ITGA9: variants seen among roughly 807,000 people sequenced by gnomAD.
ITGA9 encodes integrin subunit alpha 9.
ITGA9 carries 56 observed loss-of-function variants against 127.8 expected under a neutral mutation model. That is an observed-to-expected ratio of 0.44 (90% CI 0.35 to 0.55). The LOEUF (loss-of-function observed/expected upper bound fraction) is 0.55. Ranked by LOEUF, ITGA9 falls within the 20% of genes least tolerant of loss-of-function variation. The pLI is 0.00. For synonymous variants in ITGA9, 508 were observed against 514.5 expected (o/e 0.99, Z 0.17); for missense variants, 1,196 against 1,347.1 (o/e 0.89, Z 1.76).
chr3:37,470,538 GTCTTT>G (rs1242063985), intron 1 of ITGA9, among the ~76,000 whole-genome samples: 1 of 152,156 alleles, frequency 6.6e-6, no homozygotes, highest in Non-Finnish European at 1.5e-5. Flanking sequence ...CTGTTGACTT[GTCTTT>G]TCTTATTAAT....
chr3:37,736,699 G>A (rs1696366775), intron 19 of ITGA9, among the ~76,000 whole-genome samples: 1 of 152,168 alleles, frequency 6.6e-6, no homozygotes, highest in Non-Finnish European at 1.5e-5. Context: ...CGGAACAGGA[G>A]CAGCAGGTCT....
In ITGA9 at chr3:37,756,982, C is replaced by A. The variant is rs917297839; in HGVS notation, c.2541+6413C>A. Among the ~76,000 whole-genome samples the A allele has an allele frequency of 2.7e-5, 4 of 149,178 alleles. No individual in the cohort carries two copies. The East Asian group carries it at 7.7e-4, about 29-fold the overall frequency. ...CAAATTAGAAGTGAAAGACAGTGAG[C>A]GGTTGTTCATATCAAAACCAATGGG... On this transcript the variant is annotated intron_variant, in intron 23 of 27. Transcript: ENST00000264741.
chr3:37,727,750 A>G (rs1696233025), intron 18 of ITGA9, among the ~76,000 whole-genome samples: 1 of 152,228 alleles, frequency 6.6e-6, no homozygotes, highest in Non-Finnish European at 1.5e-5. Flanking sequence ...CAAAAGGATC[A>G]TTTTAACAAT....
At chr3:37,563,992 A>G (rs1235583496) in intron 15 of ITGA9, among the ~76,000 whole-genome samples, 1 of 152,236 alleles carries the variant, frequency 6.6e-6, no homozygotes, top group Non-Finnish European at 1.5e-5. Flanking sequence ...AACGACTTTT[A>G]TGTCAAAAAA....
intron 23 of ITGA9, among the ~76,000 whole-genome samples, chr3:37,770,833 G>A (rs1575229953): frequency 6.6e-6 from 1 of 152,170 alleles, no homozygotes; most frequent in Admixed American, 6.5e-5. Context: ...CCAAGTGATG[G>A]CCACTCCTTG....
intron 11 of ITGA9, among the ~76,000 whole-genome samples, chr3:37,522,512 G>A (rs1699054237): frequency 6.6e-6 from 1 of 152,116 alleles, no homozygotes; most frequent in Admixed American, 6.5e-5. Context: ...CATCGTTTGA[G>A]GCTTGGAGTT....
intron 18 of ITGA9, among the ~76,000 whole-genome samples, chr3:37,731,509 C>T (rs1021492016): frequency 5.9e-5 from 9 of 152,148 alleles, no homozygotes; most frequent in Non-Finnish European, 1.3e-4. Context: ...ATTTATATAT[C>T]TCTTATCTTT....
chr3:37,697,035 A>G (rs1241487618), intron 18 of ITGA9, among the ~76,000 whole-genome samples: 1 of 152,180 alleles, frequency 6.6e-6, no homozygotes, highest in African/African-American at 2.4e-5. Context: ...ATGGTCAGGG[A>G]GGTCCCTTCT....
At chr3:37,584,192 A>G (rs1455160520) in intron 15 of ITGA9, among the ~76,000 whole-genome samples, 1 of 152,182 alleles carries the variant, frequency 6.6e-6, no homozygotes, top group Non-Finnish European at 1.5e-5. Context: ...GCTGTTCTCC[A>G]TGTCTCTTAT....
chr3:37,464,387 T>G (rs990812143), intron 1 of ITGA9, among the ~76,000 whole-genome samples: 1 of 151,938 alleles, frequency 6.6e-6, no homozygotes, highest in South Asian at 2.1e-4. Flanking sequence ...CTGGGATGAG[T>G]TGAGTGTCAA....
At position 37,732,816 on chromosome 3, in the gene ITGA9, G is replaced by T. The variant is rs370985133; in HGVS notation, c.2154+18G>T. 2.5e-6 allele frequency: 4 copies of T among 1,582,526 alleles called. No homozygotes were observed. The South Asian group carries it at 4.6e-5, about 18-fold the overall frequency. On this transcript the variant is annotated intron_variant, in intron 19 of 27. Transcript: ENST00000264741. Reference sequence around the variant, plus strand: ...AGTCAAAGGTAAGGGACACAGACGGGACCCTTCCTCAGCAGCAGGCCCCCA... The same window carrying T: ...AGTCAAAGGTAAGGGACACAGACGGTACCCTTCCTCAGCAGCAGGCCCCCA...
At chr3:37,689,997 A>G (rs535524312) in intron 18 of ITGA9, among the ~76,000 whole-genome samples, 2 of 152,348 alleles carry the variant, frequency 1.3e-5, no homozygotes, top group African/African-American at 4.8e-5. Flanking sequence ...CAGCTGCTCT[A>G]CAGAGGTGCT....
At chr3:37,651,972 C>T (rs1477371970) in intron 16 of ITGA9, among the ~76,000 whole-genome samples, 1 of 152,168 alleles carries the variant, frequency 6.6e-6, no homozygotes, top group African/African-American at 2.4e-5. Context: ...TCTCCACCTC[C>T]ACCTCTACCC....
At chr3:37,481,416 GA>G in intron 3 of ITGA9, 67 bp from the exon 4 acceptor site, 1 of 1,600,928 alleles carries the variant, frequency 6.2e-7, no homozygotes, top group South Asian at 1.1e-5. Context: ...ATCTGGCACT[GA>G]CAGGAGTCTG....
intron 1 of ITGA9, among the ~76,000 whole-genome samples, chr3:37,464,338 A>G (rs1198839438): frequency 2.0e-5 from 3 of 149,462 alleles, no homozygotes; most frequent in Non-Finnish European, 4.4e-5. Context: ...TTGCAATTCT[A>G]AGGATCTATG....
rs1701182674 is a variant in ITGA9 at position 37,720,836 on chromosome 3, A to G, written c.2068-11876A>G. Among the ~76,000 whole-genome samples the G allele has an allele frequency of 2.0e-5, 3 of 152,244 alleles. No individual in the cohort carries two copies. In the South Asian group the frequency reaches 6.2e-4, roughly 32 times the overall value. ...AAAAATGTAAAGATTAGTCCTAAGCAGGGTTGATTCACCGCACTACAGAGG... is the reference window on the plus strand; with the variant it reads ...AAAAATGTAAAGATTAGTCCTAAGCGGGGTTGATTCACCGCACTACAGAGG... On this transcript the variant is annotated intron_variant, in intron 18 of 27. Coordinates refer to ENST00000264741, the MANE Select transcript of ITGA9 (RefSeq NM_002207.3).
chr3:37,753,512 C>T (rs1220430507), intron 23 of ITGA9, among the ~76,000 whole-genome samples: 1 of 152,164 alleles, frequency 6.6e-6, no homozygotes, highest in Non-Finnish European at 1.5e-5. Context: ...ACAGTCACCA[C>T]TTGTGAGTGT....
At chr3:37,801,208 A>T (rs947547949) in intron 26 of ITGA9, among the ~76,000 whole-genome samples, 1 of 152,062 alleles carries the variant, frequency 6.6e-6, no homozygotes, top group South Asian at 2.1e-4. Flanking sequence ...GAAACCAGGT[A>T]CTGTAGTTCA....
Position 37,741,747 on chromosome 3 carries a change from C to T in ITGA9, c.2252C>T (p.Ser751Phe). The T allele has an allele frequency of 6.2e-7, 1 of 1,613,778 alleles. No homozygotes were observed. The highest frequency in any genetic ancestry group is 8.5e-7 in the Non-Finnish European group (1 of 1,179,874). Residue 751 changes from serine (S) to phenylalanine (F), a missense_variant, in exon 21 of 28, where the codon TCT (serine) becomes TTT (phenylalanine). Physicochemically the swap from Ser to Phe is radical, Grantham distance 155. Transcript: ENST00000264741. Reference protein sequence around the residue: ...VTAQSGNTERSESLHDNTLVL... With the variant: ...VTAQSGNTERFESLHDNTLVL... ...CTGCACAGTGGCAACACGGAGCGCT[C>T]TGAATCCCTGCATGACAACACCCTC...
Sources: allele counts gnomAD v4.1 joint callset (sites outside exome capture counted in the v4.1 genomes callset), GRCh38; gene constraint gnomAD v4.1.1; transcripts MANE v1.5; gene names NCBI Gene and HGNC (gene_info 2026-07-23, HGNC 2026-07-21).